OR4K2: variants seen among roughly 807,000 people sequenced by gnomAD.
OR4K2 encodes olfactory receptor family 4 subfamily K member 2, also known as olfactory receptor 4K2.
OR4K2 carries 8 observed loss-of-function variants against 10.5 expected under a neutral mutation model. The ratio of observed to expected loss-of-function variants is 0.76; its 90% CI spans 0.45 to 1.37. The LOEUF (loss-of-function observed/expected upper bound fraction) is 1.37. Among genes scored for constraint, OR4K2 ranks in the 40% most tolerant of loss-of-function variants. OR4K2 has a pLI of 0.00. For missense variants in OR4K2, 547 were observed against 379.5 expected, an observed-to-expected ratio of 1.44 and a Z score of -3.67; for synonymous variants, 178 against 133.6, an observed-to-expected ratio of 1.33 and a Z score of -2.29.
rs536265419 is a variant in OR4K2 at position 19,882,064 on chromosome 14, G to A, written c.*4852G>A. 6.6e-6 allele frequency: 1 copy of A among 152,270 alleles called. No homozygotes were observed. Among genetic ancestry groups the A allele is most frequent in the African/African-American group, 2.4e-5 (1 of 41,436 alleles). 9.4% of individuals were successfully genotyped at this position (152,270 alleles called of 1,614,324 possible). A position where few individuals can be genotyped will look rare whatever the true frequency, so the allele number is the denominator to read the frequency against. On this transcript the variant is annotated 3_prime_UTR_variant, in exon 2 of 2. Transcript: ENST00000641885. Reference sequence around the variant, plus strand: ...CTGCAACTGGAGCTATTGTGTTCCAGAGCACATTACCCCAGTAATGTGATG... The same window carrying A: ...CTGCAACTGGAGCTATTGTGTTCCAAAGCACATTACCCCAGTAATGTGATG...
chr14:19,883,065 G>T lies in OR4K2; in HGVS notation c.*5853G>T, dbSNP rs556218512. ...AAAACCTGAGTTATTTACCATCTAG[G>T]GTCTCCCAGAGTCTGAAATATGCTG... On this transcript the variant is annotated 3_prime_UTR_variant, in exon 2 of 2. Coordinates refer to ENST00000641885, the MANE Select transcript of OR4K2 (RefSeq NM_001005501.2). The T allele has an allele frequency of 5.3e-5, 8 of 152,206 alleles. No individual in the cohort carries two copies. Among genetic ancestry groups the T allele is most frequent in the African/African-American group, 1.9e-4 (8 of 41,504 alleles). 9.4% of individuals were successfully genotyped at this position (152,206 alleles called of 1,614,324 possible).
At position 19,876,741 on chromosome 14, in the gene OR4K2, T is replaced by C. The variant is rs565397951; in HGVS notation, c.474T>C (p.Ser158=). The change falls in exon 2 of 2, where the codon AGT becomes AGC. Residue 158 remains serine, a synonymous_variant. Transcript: ENST00000641885. ...SWIMGVMHSM[S]QVIFALTLPF... Reference sequence around the variant, plus strand: ...TTATGGGAGTTATGCATTCAATGAGTCAGGTCATATTTGCCCTCACGTTAC... The same window carrying C: ...TTATGGGAGTTATGCATTCAATGAGCCAGGTCATATTTGCCCTCACGTTAC... The C allele has an allele frequency of 4.3e-6, 7 of 1,614,172 alleles. No homozygotes were observed. In the Admixed American group the frequency reaches 6.7e-5, roughly 15 times the overall value.
Position 19,875,983 on chromosome 14 carries a change from T to C in OR4K2, c.-175T>C, listed in dbSNP as rs999654809. 5.9e-5 allele frequency: 23 copies of C among 391,178 alleles called. No individual in the cohort carries two copies. The highest frequency in any genetic ancestry group is 2.4e-4 in the East Asian group (5 of 21,018). The allele number at this position is 391,178 out of a possible 1,614,324, so 24.2% of individuals were successfully genotyped here. On this transcript the variant is annotated 5_prime_UTR_variant, in exon 1 of 2. Transcript: ENST00000641885. Reference sequence around the variant, plus strand: ...AGGTAGGTATGTCTGTTCAGAATGATATTATCTTGGTTGGATTGCCATTAG... The same window carrying C: ...AGGTAGGTATGTCTGTTCAGAATGACATTATCTTGGTTGGATTGCCATTAG...
In OR4K2 at chr14:19,879,156, G is replaced by A. The variant is rs1880980149; in HGVS notation, c.*1944G>A. The A allele has an allele frequency of 6.6e-6, 1 of 151,898 alleles. No individual in the cohort carries two copies. Among genetic ancestry groups the A allele is most frequent in the South Asian group, 2.1e-4 (1 of 4,828 alleles). The allele number at this position is 151,898 out of a possible 1,614,324, so 9.4% of individuals were successfully genotyped here. ...GGATTGATAGTAAAATTCTGTGGCT[G>A]ATAATAAAAAGGATTACAGAAAGCC... On this transcript the variant is annotated 3_prime_UTR_variant, in exon 2 of 2. Coordinates refer to ENST00000641885, the MANE Select transcript of OR4K2 (RefSeq NM_001005501.2).
rs533563898 is a variant in OR4K2, at chr14:19,876,934, G to A, written c.667G>A (p.Val223Ile). The A allele has an allele frequency of 1.9e-6, 3 of 1,614,046 alleles. No homozygotes were observed. The highest frequency in any genetic ancestry group is 1.1e-5 in the South Asian group (1 of 91,082). ...VLFNSYVIVL[V>I]TVKHHSSRGS... ...ATTTAATTCATATGTTATTGTCCTG[G>A]TTACTGTGAAGCATCATTCTTCCAG... The change falls in exon 2 of 2, where the codon GTT becomes ATT. Residue 223 changes from valine to isoleucine, a missense_variant. Val to Ile is a conservative substitution (Grantham distance 29). Coordinates refer to ENST00000641885, the MANE Select transcript of OR4K2 (RefSeq NM_001005501.2).
rs778409581 is a variant in OR4K2 at position 19,876,714 on chromosome 14, G to T, written c.447G>T (p.Trp149Cys). The change falls in exon 2 of 2, where the codon TGG becomes TGT. Residue 149 changes from tryptophan (W) to cysteine (C), a missense_variant. Trp to Cys is a radical substitution (Grantham distance 215). Transcript: ENST00000641885. ...GTGTTGCTCTCGTGGTGGCTTCCTGGATTATGGGAGTTATGCATTCAATGA... is the reference window on the plus strand; with the variant it reads ...GTGTTGCTCTCGTGGTGGCTTCCTGTATTATGGGAGTTATGCATTCAATGA... ...QVCVALVVAS[W>C]IMGVMHSMSQ... is the part of the protein sequence containing the mutation. The T allele has an allele frequency of 6.2e-7, 1 of 1,614,018 alleles. No homozygotes were observed. The highest frequency in any genetic ancestry group is 1.1e-5 in the South Asian group (1 of 91,080).
At position 19,876,583 on chromosome 14, in the gene OR4K2, C is replaced by A. The variant is rs767333092; in HGVS notation, c.316C>A (p.Leu106Ile). 3.7e-6 allele frequency: 6 copies of A among 1,614,078 alleles called. No homozygotes were observed. Among genetic ancestry groups the A allele is most frequent in the African/African-American group, 2.7e-5 (2 of 74,940 alleles). The change falls in exon 2 of 2, where the codon CTT becomes ATT. Residue 106 changes from leucine to isoleucine, a missense_variant. Transcript: ENST00000641885. ...GCLTQIFFLH[L>I]FTGTEIILLM... ...CCTTACCCAGATATTCTTTCTCCAC[C>A]TTTTCACTGGAACTGAGATCATCTT...
In OR4K2 at chr14:19,876,799, T is replaced by A; in HGVS notation, c.532T>A (p.Phe178Ile). 1 of 1,614,234 alleles carries A rather than the reference T, an allele frequency of 6.2e-7. No individual in the cohort carries two copies. The highest frequency in any genetic ancestry group is 8.5e-7 in the Non-Finnish European group (1 of 1,180,020). ...FCGPYEVDSF[F>I]CDLPVVFQLA... ...TGGTCCCTATGAGGTAGACAGCTTT[T>A]TCTGTGACCTTCCTGTGGTGTTCCA... Residue 178 changes from phenylalanine to isoleucine, a missense_variant, in exon 2 of 2, where the codon TTC (phenylalanine) becomes ATC (isoleucine). Phe to Ile is a conservative substitution (Grantham distance 21). Transcript: ENST00000641885.
Position 19,879,846 on chromosome 14 carries a change from A to C in OR4K2, c.*2634A>C, listed in dbSNP as rs759948257. On this transcript the variant is annotated 3_prime_UTR_variant, in exon 2 of 2. Transcript: ENST00000641885. ...TTAGGTTTTATAACTCCTCCTTTGC[A>C]TGGATTTCCTCGAAGGCCCTAGAAT... is the stretch of plus-strand genomic sequence containing the variant. 1.3e-4 allele frequency: 20 copies of C among 152,228 alleles called. No individual in the cohort carries two copies. Among genetic ancestry groups the C allele is most frequent in the Admixed American group, 9.2e-4 (14 of 15,280 alleles). 9.4% of individuals were successfully genotyped at this position (152,228 alleles called of 1,614,324 possible). A position where few individuals can be genotyped will look rare whatever the true frequency, so the allele number is the denominator to read the frequency against.
In OR4K2 at chr14:19,876,281, A is replaced by G. The variant is rs550527898; in HGVS notation, c.14A>G (p.Asn5Ser). 1.9e-6 allele frequency: 3 copies of G among 1,607,642 alleles called. No homozygotes were observed. Among genetic ancestry groups the G allele is most frequent in the East Asian group, 2.2e-5 (1 of 44,800 alleles). The change falls in exon 2 of 2, where the codon AAT (asparagine) becomes AGT (serine). Residue 5 changes from asparagine (N) to serine (S), a missense_variant. Transcript: ENST00000641885. MDVG[N>S]KSTMSEFVLL... ...TGAATCAAGACAATGGATGTGGGCA[A>G]TAAGTCTACCATGTCTGAATTTGTT...
At position 19,883,306 on chromosome 14, in the gene OR4K2, T is replaced by C. The variant is rs968806035; in HGVS notation, c.*6094T>C. 1.3e-5 allele frequency: 2 copies of C among 152,278 alleles called. No homozygotes were observed. The highest frequency in any genetic ancestry group is 4.8e-5 in the African/African-American group (2 of 41,468). The allele number at this position is 152,278 out of a possible 1,614,324, so 9.4% of individuals were successfully genotyped here. On this transcript the variant is annotated 3_prime_UTR_variant, in exon 2 of 2. Coordinates refer to ENST00000641885, the MANE Select transcript of OR4K2 (RefSeq NM_001005501.2). The stretch of plus-strand genomic sequence containing the variant: ...CTGTAGTAGTTGATATCTCTAACCA[T>C]TTTTGTTGGCTGAAGCTTATTCTCT...
In OR4K2 at chr14:19,876,910, T is replaced by A; in HGVS notation, c.643T>A (p.Phe215Ile). Residue 215 changes from phenylalanine (F) to isoleucine (I), a missense_variant, in exon 2 of 2, where the codon TTT (phenylalanine) becomes ATT (isoleucine). Physicochemically the swap from Phe to Ile is conservative, Grantham distance 21. Transcript: ENST00000641885. ...IIALSCFIVL[F>I]NSYVIVLVTV... ...TGCGTTGTCCTGTTTTATTGTTTTA[T>A]TTAATTCATATGTTATTGTCCTGGT... 1 of 1,614,212 alleles carries A rather than the reference T, an allele frequency of 6.2e-7. No individual in the cohort carries two copies. Among genetic ancestry groups the A allele is most frequent in the Non-Finnish European group, 8.5e-7 (1 of 1,180,012 alleles).
Position 19,877,311 on chromosome 14 carries a change from A to G in OR4K2, c.*99A>G. On this transcript the variant is annotated 3_prime_UTR_variant, in exon 2 of 2. Transcript: ENST00000641885. ...ATTGCCAAGAATTTGTGAGGGCTCA[A>G]GTTCAGTGCATTTTGAAACTATTCT... The G allele has an allele frequency of 1.2e-6, 1 of 807,936 alleles. No homozygotes were observed. Among genetic ancestry groups the G allele is most frequent in the Non-Finnish European group, 1.9e-6 (1 of 521,400 alleles). 50.0% of individuals were successfully genotyped at this position (807,936 alleles called of 1,614,324 possible).
intron 1 of OR4K2, 29 bp downstream of exon 1, chr14:19,876,163 G>C: frequency 1.0e-6 from 1 of 964,050 alleles, no homozygotes; most frequent in Non-Finnish European, 1.5e-6. Context: ...TAAAATTTCT[G>C]AAAGTAGATA....
At position 19,876,185 on chromosome 14, in the gene OR4K2, A is replaced by G; in HGVS notation, c.-24+51A>G. ...TCTGAAAGTAGATAATTGGAAATGAATCTTTTGCTTCTATTGAATCTGACT... is the reference window on the plus strand; with the variant it reads ...TCTGAAAGTAGATAATTGGAAATGAGTCTTTTGCTTCTATTGAATCTGACT... On this transcript the variant is annotated intron_variant, in intron 1 of 1. Transcript: ENST00000641885. The G allele has an allele frequency of 2.7e-6, 3 of 1,131,486 alleles. No individual in the cohort carries two copies. In the East Asian group the frequency reaches 7.2e-5, roughly 27 times the overall value. 70.1% of individuals were successfully genotyped at this position (1,131,486 alleles called of 1,614,324 possible). A position where few individuals can be genotyped will look rare whatever the true frequency, so the allele number is the denominator to read the frequency against.
rs1321401206 is a variant in OR4K2, at chr14:19,877,227, A to G, written c.*15A>G. On this transcript the variant is annotated 3_prime_UTR_variant, in exon 2 of 2. Transcript: ENST00000641885. ...TGCCTTCATAGTTTTTGTGACACAG[A>G]ACATTAGACACAATGCTGTGTTAGG... is the stretch of plus-strand genomic sequence containing the variant. 5 of 1,482,256 alleles carry G rather than the reference A, an allele frequency of 3.4e-6. No individual in the cohort carries two copies. The highest frequency in any genetic ancestry group is 4.6e-6 in the Non-Finnish European group (5 of 1,085,418). The allele number at this position is 1,482,256 out of a possible 1,614,324, so 91.8% of individuals were successfully genotyped here.
Position 19,875,468 on chromosome 14 carries a change from C to T in OR4K2, c.-690C>T, listed in dbSNP as rs1418508979. On this transcript the variant is annotated 5_prime_UTR_variant, in exon 1 of 2. Coordinates refer to ENST00000641885, the MANE Select transcript of OR4K2 (RefSeq NM_001005501.2). ...GAAATGAAAGAGACTGATCTTTGAG[C>T]ACTTTCCCATGAAAATGTTGTTATA... is the stretch of plus-strand genomic sequence containing the variant. 3.3e-5 allele frequency: 5 copies of T among 152,320 alleles called. No homozygotes were observed. In the East Asian group the frequency reaches 9.6e-4, roughly 29 times the overall value. 9.4% of individuals were successfully genotyped at this position (152,320 alleles called of 1,614,324 possible).
At position 19,881,008 on chromosome 14, in the gene OR4K2, CCT is replaced by C. The variant is rs1213431604; in HGVS notation, c.*3797_*3798del. 7.4e-6 allele frequency: 1 copy of C among 135,568 alleles called. No homozygotes were observed. Among genetic ancestry groups the C allele is most frequent in the Non-Finnish European group, 1.6e-5 (1 of 63,394 alleles). 8.4% of individuals were successfully genotyped at this position (135,568 alleles called of 1,614,324 possible). ...GCTGTTATTTGTGCATATCCAGACT[CCT>C]TATGAAAGTATTTTCAAATTTAAAA... On this transcript the variant is annotated 3_prime_UTR_variant, in exon 2 of 2. Transcript: ENST00000641885.
Position 19,881,037 on chromosome 14 carries a change from A to AC in OR4K2, c.*3826dup, listed in dbSNP as rs397804606. On this transcript the variant is annotated 3_prime_UTR_variant, in exon 2 of 2. Coordinates refer to ENST00000641885, the MANE Select transcript of OR4K2 (RefSeq NM_001005501.2). ...ATGAAAGTATTTTCAAATTTAAAAAACTACCAGTGAATCTATTCTCTACAT... is the reference window on the plus strand; with the variant it reads ...ATGAAAGTATTTTCAAATTTAAAAAACCTACCAGTGAATCTATTCTCTACAT... 6.6e-6 allele frequency: 1 copy of AC among 152,052 alleles called. No individual in the cohort carries two copies. The highest frequency in any genetic ancestry group is 2.4e-5 in the African/African-American group (1 of 41,398). 9.4% of individuals were successfully genotyped at this position (152,052 alleles called of 1,614,324 possible). A position where few individuals can be genotyped will look rare whatever the true frequency, so the allele number is the denominator to read the frequency against.
Sources: allele counts gnomAD v4.1 joint callset, GRCh38; gene constraint gnomAD v4.1.1; transcripts MANE v1.5; gene names NCBI Gene and HGNC (gene_info 2026-07-23, HGNC 2026-07-21).